SPINK5: variants seen among roughly 807,000 people sequenced by gnomAD.
SPINK5 encodes serine peptidase inhibitor Kazal type 5.
SPINK5 carries 125 observed loss-of-function variants against 151.8 expected under a neutral mutation model. That is an observed-to-expected ratio of 0.82 (90% CI 0.71 to 0.96). The LOEUF (loss-of-function observed/expected upper bound fraction) is 0.96. SPINK5 is among the 40% of genes least tolerant of loss of function. SPINK5 has a pLI of 0.00. For missense variants in SPINK5, 1,194 were observed against 1,291.9 expected (o/e 0.92, Z 1.16); for synonymous variants, 374 against 395.3 (o/e 0.95, Z 0.64).
At chr5:148,134,675 G>C (rs1386101008) in intron 32 of SPINK5, among the ~76,000 whole-genome samples, 1 of 152,012 alleles carries the variant, frequency 6.6e-6, no homozygotes, top group East Asian at 1.9e-4. Flanking sequence ...TAGAAAAAGA[G>C]TCGAAAGTAT....
intron 21 of SPINK5, among the ~76,000 whole-genome samples, chr5:148,115,895 C>A (rs1317104647): frequency 6.6e-6 from 1 of 150,474 alleles, no homozygotes; most frequent in Non-Finnish European, 1.5e-5. Context: ...GATCTCAGCT[C>A]ACTGTAACTT....
intron 7 of SPINK5, among the ~76,000 whole-genome samples, chr5:148,090,138 C>T (rs1753271373): frequency 6.6e-6 from 1 of 151,872 alleles, no homozygotes; most frequent in Non-Finnish European, 1.5e-5. Flanking sequence ...GAGTGCCTGG[C>T]AGTGCTTGGG....
Position 148,114,270 on chromosome 5 carries a change from C to CTTT in SPINK5, c.1888-82_1888-80dup, listed in dbSNP as rs56820817. On this transcript the variant is annotated intron_variant, in intron 20 of 32. Transcript: ENST00000256084. The stretch of plus-strand genomic sequence containing the variant: ...AAAATTCTCAGGTCATTTTCTCTCT[C>CTTT]TTTTTTTTTTTTCTATAAAGCACTT... 2.3e-5 allele frequency: 29 copies of CTTT among 1,266,000 alleles called. No individual in the cohort carries two copies. The African/African-American group carries it at 2.4e-4, about 10-fold the overall frequency. The allele number at this position is 1,266,000 out of a possible 1,614,324, so 78.4% of individuals were successfully genotyped here. A position where few individuals can be genotyped will look rare whatever the true frequency, so the allele number is the denominator to read the frequency against.
intron 4 of SPINK5, among the ~76,000 whole-genome samples, chr5:148,077,603 A>G (rs1362059783): frequency 1.4e-5 from 2 of 147,032 alleles, no homozygotes; most frequent in Non-Finnish European, 3.0e-5. Flanking sequence ...TAATCTTAAT[A>G]TATAAGGCAA....
intron 4 of SPINK5, among the ~76,000 whole-genome samples, chr5:148,085,568 A>C (rs1019894280): frequency 6.6e-6 from 1 of 151,878 alleles, no homozygotes; most frequent in African/African-American, 2.4e-5. Context: ...TCTGATGAGG[A>C]AAGTGAGGTG....
At chr5:148,071,264 G>T (rs1395285478) in intron 3 of SPINK5, among the ~76,000 whole-genome samples, 2 of 152,040 alleles carry the variant, frequency 1.3e-5, no homozygotes, top group Non-Finnish European at 2.9e-5. Context: ...CTTTTTAAAT[G>T]TCAGGTTGGT....
At position 148,127,500 on chromosome 5, in the gene SPINK5, G is replaced by C. The variant is rs530304961; in HGVS notation, c.2964+421G>C. On this transcript the variant is annotated intron_variant, in intron 30 of 32. Transcript: ENST00000256084. ...CATCCTGGAACTCTATGCCAAGCAT[G>C]CTCACAGGTATAAATTTCCGCCAAT... Among the ~76,000 whole-genome samples the C allele has an allele frequency of 2.0e-5, 3 of 152,196 alleles. No individual in the cohort carries two copies. The South Asian group carries it at 6.2e-4, about 32-fold the overall frequency.
chr5:148,127,825 T>C (rs1182829654), intron 30 of SPINK5, among the ~76,000 whole-genome samples: 1 of 152,118 alleles, frequency 6.6e-6, no homozygotes, highest in East Asian at 1.9e-4. Context: ...GCCACTGCAC[T>C]CCAGCCTGGG....
chr5:148,131,287 T>TC lies in SPINK5; in HGVS notation c.2993_2994insC (p.Leu999IlefsTer18). On this transcript the variant is annotated frameshift_variant, in exon 31 of 33. Coordinates refer to ENST00000256084, the MANE Select transcript of SPINK5 (RefSeq NM_006846.4). LOFTEE classifies it high-confidence loss of function. ...TCTGAGATGTGCAAAGACTACCGAG[T>TC]ATTGCCCAGGATAGGTTATCTTTGT... 1 of 1,613,862 alleles carries TC rather than the reference T, an allele frequency of 6.2e-7. No homozygotes were observed. The highest frequency in any genetic ancestry group is 1.1e-5 in the South Asian group (1 of 91,088).
chr5:148,128,916 A>T lies in SPINK5; in HGVS notation c.2964+1837A>T, dbSNP rs116300308. Among the ~76,000 whole-genome samples the T allele has an allele frequency of 8.1e-3, 1,228 of 152,346 alleles. 22 individuals are homozygous for T. Among genetic ancestry groups the T allele is most frequent in the African/African-American group, 0.028 (1,168 of 41,574 alleles). On this transcript the variant is annotated intron_variant, in intron 30 of 32. Transcript: ENST00000256084. ...TTCATAGTATATTGGAAAAGCAGAT[A>T]CAATAAATAATATGAATAAATGAAA...
chr5:148,101,712 C>G, intron 14 of SPINK5, 69 bp from the exon 15 acceptor site: 1 of 1,608,990 alleles, frequency 6.2e-7, no homozygotes. Flanking sequence ...AAAGTACAAG[C>G]TTTAGCTATT....
chr5:148,067,171 T>C (rs1320342785), intron 2 of SPINK5, among the ~76,000 whole-genome samples: 1 of 152,170 alleles, frequency 6.6e-6, no homozygotes, highest in Admixed American at 6.5e-5. Flanking sequence ...AAAAGCAAGC[T>C]GGTCAGTGCT....
chr5:148,125,196 T>C (rs2052534), intron 28 of SPINK5, among the ~76,000 whole-genome samples: 85,384 of 152,052 alleles, frequency 0.56, 24,691 homozygotes, highest in Admixed American at 0.65. Flanking sequence ...TGATGTTTAT[T>C]TTAATAATTC....
chr5:148,101,783 G>A lies in SPINK5; in HGVS notation c.1305G>A (p.Glu435=). Residue 435 remains glutamate (E), a splice_region_variant and synonymous_variant, in exon 15 of 33, where the codon GAG becomes GAA. Coordinates refer to ENST00000256084, the MANE Select transcript of SPINK5 (RefSeq NM_006846.4). ...RQSKSTASFE[E]LCSEYRKSRK... is the part of the protein sequence containing the mutation. ...AACTTCCTGCCTCAATTTCACAGGA[G>A]TTGTGTAGTGAATACCGCAAATCCA... The A allele has an allele frequency of 6.2e-7, 1 of 1,613,720 alleles. No homozygotes were observed. Among genetic ancestry groups the A allele is most frequent in the Non-Finnish European group, 8.5e-7 (1 of 1,179,708 alleles).
At chr5:148,112,412 T>A (rs1008310494) in intron 19 of SPINK5, among the ~76,000 whole-genome samples, 8 of 152,154 alleles carry the variant, frequency 5.3e-5, no homozygotes, top group Non-Finnish European at 1.2e-4. Context: ...TGGTGGCTCA[T>A]GCCTGTAATT....
chr5:148,130,495 G>T (rs1754543571), intron 30 of SPINK5, among the ~76,000 whole-genome samples: 1 of 151,036 alleles, frequency 6.6e-6, no homozygotes, highest in Non-Finnish European at 1.5e-5. Context: ...TTTATATTTT[G>T]GCTCTACTTT....
chr5:148,107,560 T>C (rs1192620807), intron 17 of SPINK5, among the ~76,000 whole-genome samples: 1 of 152,156 alleles, frequency 6.6e-6, no homozygotes, highest in Non-Finnish European at 1.5e-5. Flanking sequence ...TGGAGGTCTG[T>C]GGGGTCAGTA....
Position 148,124,847 on chromosome 5 carries a change from T to G in SPINK5, c.2739+10T>G. 1 of 1,583,810 alleles carries G rather than the reference T, an allele frequency of 6.3e-7. No individual in the cohort carries two copies. The highest frequency in any genetic ancestry group is 8.6e-7 in the Non-Finnish European group (1 of 1,167,794). ...CTCAAATAATGCAAAGGTTATTTAT[T>G]AAAGGATACCAAAATAACCATTTTA... is the stretch of plus-strand genomic sequence containing the variant. On this transcript the variant is annotated intron_variant, in intron 28 of 32. Transcript: ENST00000256084.
At chr5:148,066,983 T>TA (rs1752602980) in intron 2 of SPINK5, among the ~76,000 whole-genome samples, 1 of 152,216 alleles carries the variant, frequency 6.6e-6, no homozygotes, top group Non-Finnish European at 1.5e-5. Flanking sequence ...TAGTCTTTTT[T>TA]ACGATGCTGT....
Sources: gnomAD v4.1 joint callset for allele counts (sites outside exome capture counted in the v4.1 genomes callset) on GRCh38, gnomAD v4.1.1 for gene constraint, MANE v1.5 for transcripts, NCBI Gene and HGNC (gene_info 2026-07-23, HGNC 2026-07-21) for gene names.